Variants in HYCC2 observed in about 807,000 individuals in gnomAD.
HYCC2 encodes hyccin 2.
chr2:201,020,679 C>T, the HYCC2 span, among the ~76,000 whole-genome samples: 2 of 152,112 alleles, frequency 1.3e-5, no homozygotes, highest in Non-Finnish European at 2.9e-5. Flanking sequence ...TTTCATACAA[C>T]CTGAGATATT....
chr2:201,071,129 C>T, the HYCC2 span, among the ~76,000 whole-genome samples: 1 of 152,216 alleles, frequency 6.6e-6, no homozygotes, highest in African/African-American at 2.4e-5. Context: ...TAATGTACAG[C>T]AATAATGAGT....
At chr2:201,000,057 CAAAAAAA>C in the HYCC2 span, among the ~76,000 whole-genome samples, 25 of 34,730 alleles carry the variant, frequency 7.2e-4, no homozygotes, top group South Asian at 2.2e-3. Flanking sequence ...GACTCCGTCT[CAAAAAAA>C]AAAAAAAAAA....
chr2:200,991,251 CT>C, the HYCC2 span, among the ~76,000 whole-genome samples: 6 of 151,978 alleles, frequency 3.9e-5, no homozygotes, highest in Non-Finnish European at 7.4e-5. Context: ...AGGCAGATCA[CT>C]TGAGATCAGG....
At chr2:200,986,116 A>AG in the HYCC2 span, among the ~76,000 whole-genome samples, 1 of 152,200 alleles carries the variant, frequency 6.6e-6, no homozygotes, top group Non-Finnish European at 1.5e-5. Flanking sequence ...AATAAGATAC[A>AG]GGGGAAAAAG....
the HYCC2 span, among the ~76,000 whole-genome samples, chr2:201,047,319 A>G: frequency 6.6e-6 from 1 of 151,834 alleles, no homozygotes; most frequent in East Asian, 1.9e-4. Flanking sequence ...ACTGAAGCAT[A>G]AAGGGAAAAG....
chr2:201,060,008 C>T, the HYCC2 span, among the ~76,000 whole-genome samples: 1 of 145,626 alleles, frequency 6.9e-6, no homozygotes, highest in Non-Finnish European at 1.5e-5. Flanking sequence ...TGCGCCACTG[C>T]TCTCCAGCCT....
chr2:200,976,312 A>T, the HYCC2 span: 1 of 152,192 alleles, frequency 6.6e-6, no homozygotes, highest in Admixed American at 6.5e-5. Context: ...GAAAACAAAG[A>T]TGTAACTGAA....
chr2:201,039,649 T>C, the HYCC2 span, among the ~76,000 whole-genome samples: 1 of 152,194 alleles, frequency 6.6e-6, no homozygotes, highest in Non-Finnish European at 1.5e-5. Context: ...ACAGCAGATA[T>C]TTTAAACAAC....
At chr2:201,065,929 G>A in the HYCC2 span, among the ~76,000 whole-genome samples, 1 of 152,130 alleles carries the variant, frequency 6.6e-6, no homozygotes, top group Non-Finnish European at 1.5e-5. Context: ...TAAAATGAGA[G>A]AAGATTCAGA....
the HYCC2 span, chr2:200,997,474 A>C: frequency 1.2e-6 from 2 of 1,613,104 alleles, no homozygotes; most frequent in South Asian, 2.2e-5. Context: ...GAGATTGGTA[A>C]GATGAGGCAG....
At chr2:200,998,373 A>G in the HYCC2 span, among the ~76,000 whole-genome samples, 1 of 152,184 alleles carries the variant, frequency 6.6e-6, no homozygotes, top group Admixed American at 6.5e-5. Flanking sequence ...TTCAAGTCCT[A>G]GATCAAATTT....
the HYCC2 span, among the ~76,000 whole-genome samples, chr2:201,043,512 C>CTTTTTTTTTTTTTTTTTTTTTTT: frequency 7.5e-6 from 1 of 133,600 alleles, no homozygotes; most frequent in East Asian, 2.2e-4. Flanking sequence ...TTCTTTTTTT[C>CTTTTTTTTTTTTTTTTTTTTTTT]TTTTTTTTTT....
the HYCC2 span, chr2:200,992,805 G>T: frequency 1.1e-6 from 1 of 875,080 alleles, no homozygotes. Flanking sequence ...TCAGTATTGT[G>T]TCGGATAAGG....
At chr2:201,028,045 T>G in the HYCC2 span, among the ~76,000 whole-genome samples, 33 of 152,232 alleles carry the variant, frequency 2.2e-4, no homozygotes, top group South Asian at 1.0e-3. Context: ...CAGATGACAT[T>G]ATTGTATATC....
chr2:201,044,721 A>G, the HYCC2 span, among the ~76,000 whole-genome samples: 1 of 152,204 alleles, frequency 6.6e-6, no homozygotes, highest in African/African-American at 2.4e-5. Flanking sequence ...TATTATTATT[A>G]TAGAAATATT....
the HYCC2 span, among the ~76,000 whole-genome samples, chr2:201,057,805 C>T: frequency 6.6e-6 from 1 of 152,068 alleles, no homozygotes; most frequent in Non-Finnish European, 1.5e-5. Flanking sequence ...AGTAGCCCTA[C>T]AGGACAGGAG....
the HYCC2 span, among the ~76,000 whole-genome samples, chr2:200,998,334 T>A: frequency 6.6e-6 from 1 of 152,216 alleles, no homozygotes; most frequent in South Asian, 2.1e-4. Flanking sequence ...TAGAATATGC[T>A]TTTTTACTTG....
the HYCC2 span, chr2:200,975,871 GTATTTTCTA>G: frequency 2.0e-5 from 3 of 152,068 alleles, no homozygotes; most frequent in African/African-American, 7.2e-5. Flanking sequence ...TCTATGAATA[GTATTTTCTA>G]TATATGCTCA....
the HYCC2 span, chr2:200,997,528 C>T: frequency 6.2e-7 from 1 of 1,611,574 alleles, no homozygotes. Context: ...TGAGAAAACT[C>T]AGGACTTCAA....
Sources: allele counts gnomAD v4.1 joint callset (sites outside exome capture counted in the v4.1 genomes callset), GRCh38; gene constraint gnomAD v4.1.1; transcripts MANE v1.5; gene names NCBI Gene and HGNC (gene_info 2026-07-23, HGNC 2026-07-21).